Variants in ALDH5A1 observed in about 807,000 individuals in gnomAD.
ALDH5A1 encodes succinate-semialdehyde dehydrogenase, mitochondrial.
In ALDH5A1, 33 loss-of-function variants were observed where a neutral mutation model predicts 54.7. That is an observed-to-expected ratio of 0.60 (90% CI 0.46 to 0.81). The LOEUF is 0.81. Among genes scored for constraint, ALDH5A1 ranks in the 30% least tolerant of loss-of-function variants. The pLI, the probability that ALDH5A1 is intolerant of heterozygous loss-of-function variation, is 0.00. For synonymous variants in ALDH5A1, 294 were observed against 292.7 expected (o/e 1.00, Z -0.05); for missense variants, 657 against 711.0 (o/e 0.92, Z 0.86).
At position 24,515,238 on chromosome 6, in the gene ALDH5A1, A is replaced by T. The variant is rs751098237; in HGVS notation, c.798A>T (p.Glu266Asp). 6 of 1,613,774 alleles carry T rather than the reference A, an allele frequency of 3.7e-6. No homozygotes were observed. The highest frequency in any genetic ancestry group is 5.1e-6 in the Non-Finnish European group (6 of 1,179,922). Residue 266 changes from glutamate to aspartate, a missense_variant, in exon 5 of 10, where the codon GAA (glutamate) becomes GAT (aspartate). Physicochemically the swap from Glu to Asp is conservative, Grantham distance 45. Coordinates refer to ENST00000357578, the MANE Select transcript of ALDH5A1 (RefSeq NM_001080.3). Reference sequence around the variant, plus strand: ...CCTGTTCTCGAAAGAATGCCAAGGAAGTAGGGGAGGCAATTTGTACTGATC... The same window carrying T: ...CCTGTTCTCGAAAGAATGCCAAGGATGTAGGGGAGGCAATTTGTACTGATC... ...VIPCSRKNAK[E>D]VGEAICTDPL...
chr6:24,511,774 T>A (rs1236766086), intron 4 of ALDH5A1: 3 of 415,270 alleles, frequency 7.2e-6, no homozygotes, highest in Non-Finnish European at 8.5e-6. Flanking sequence ...GGGCTTCGCC[T>A]TTCTTTGTTG....
chr6:24,495,932 T>A (rs897792814), intron 1 of ALDH5A1, among the ~76,000 whole-genome samples: 1 of 152,192 alleles, frequency 6.6e-6, no homozygotes, highest in Non-Finnish European at 1.5e-5. Context: ...AATGCTGCTA[T>A]TGGCCATTGC....
Position 24,536,080 on chromosome 6 carries a change from AAG to A in ALDH5A1, c.*2372_*2373del, listed in dbSNP as rs1444551969. 2 of 152,334 alleles carry A rather than the reference AAG, an allele frequency of 1.3e-5. No individual in the cohort carries two copies. The highest frequency in any genetic ancestry group is 4.1e-4 in the South Asian group (2 of 4,820). The allele number at this position is 152,334 out of a possible 1,614,324, so 9.4% of individuals were successfully genotyped here. A position where few individuals can be genotyped will look rare whatever the true frequency, so the allele number is the denominator to read the frequency against. On this transcript the variant is annotated 3_prime_UTR_variant, in exon 10 of 10. Coordinates refer to ENST00000357578, the MANE Select transcript of ALDH5A1 (RefSeq NM_001080.3). ...AAAATGGCCCTTGGTTGTGGGAAGA[AAG>A]AGAATTATTTTTAACTGAACGTTTT...
At chr6:24,532,309 A>G in intron 9 of ALDH5A1, 132 bp downstream of exon 9, 1 of 913,676 alleles carries the variant, frequency 1.1e-6, no homozygotes, top group Non-Finnish European at 1.8e-6. Context: ...TTGCTTTCCA[A>G]GTGGTGGAAT....
At chr6:24,507,853 G>T (rs1269057767) in intron 4 of ALDH5A1, among the ~76,000 whole-genome samples, 1 of 152,038 alleles carries the variant, frequency 6.6e-6, no homozygotes, top group Non-Finnish European at 1.5e-5. Context: ...GTTCTTTAGT[G>T]GTGATTTGTG....
At chr6:24,508,225 T>A (rs1328727092) in intron 4 of ALDH5A1, among the ~76,000 whole-genome samples, 1 of 151,732 alleles carries the variant, frequency 6.6e-6, no homozygotes, top group Non-Finnish European at 1.5e-5. Context: ...TAGCTGGGCA[T>A]GGTGGCACGC....
At chr6:24,529,957 C>G (rs1044496063) in intron 8 of ALDH5A1, among the ~76,000 whole-genome samples, 1 of 152,172 alleles carries the variant, frequency 6.6e-6, no homozygotes, top group African/African-American at 2.4e-5. Context: ...CAGGCGTGAG[C>G]CACCATGCCC....
intron 7 of ALDH5A1, among the ~76,000 whole-genome samples, chr6:24,524,296 T>C (rs1759760941): frequency 6.6e-6 from 1 of 152,184 alleles, no homozygotes; most frequent in Non-Finnish European, 1.5e-5. Context: ...GAAATGGTTT[T>C]AACGGAATAT....
chr6:24,497,202 TG>T (rs1277222031), intron 1 of ALDH5A1, among the ~76,000 whole-genome samples: 1 of 152,066 alleles, frequency 6.6e-6, no homozygotes, highest in African/African-American at 2.4e-5. Context: ...GGGTGGGGCG[TG>T]GTGGCCAGCT....
In ALDH5A1 at chr6:24,536,959, TA is replaced by T. The variant is rs1265548958; in HGVS notation, c.*3249del. The T allele has an allele frequency of 6.5e-6, 1 of 152,702 alleles. No homozygotes were observed. The highest frequency in any genetic ancestry group is 1.5e-5 in the Non-Finnish European group (1 of 68,052). The allele number at this position is 152,702 out of a possible 1,614,324, so 9.5% of individuals were successfully genotyped here. On this transcript the variant is annotated 3_prime_UTR_variant, in exon 10 of 10. Coordinates refer to ENST00000357578, the MANE Select transcript of ALDH5A1 (RefSeq NM_001080.3). ...CTCTAAAAACTGGATCCTAGTGTTTTAATTACCTGTGTGCAGCTATTTTAAA... is the reference window on the plus strand; with the variant it reads ...CTCTAAAAACTGGATCCTAGTGTTTTATTACCTGTGTGCAGCTATTTTAAA...
chr6:24,523,015 G>T, intron 7 of ALDH5A1, 90 bp downstream of exon 7: 1 of 1,053,066 alleles, frequency 9.5e-7, no homozygotes, highest in East Asian at 2.7e-5. Context: ...TGGAGGGGTG[G>T]GGATAGAGAG....
At chr6:24,526,029 C>A (rs1443679649) in intron 7 of ALDH5A1, among the ~76,000 whole-genome samples, 1 of 152,138 alleles carries the variant, frequency 6.6e-6, no homozygotes, top group African/African-American at 2.4e-5. Context: ...GGGTAGGGCT[C>A]TCTCGACTTT....
At position 24,515,231 on chromosome 6, in the gene ALDH5A1, C is replaced by T. The variant is rs754406917; in HGVS notation, c.791C>T (p.Ala264Val). 1 of 1,612,966 alleles carries T rather than the reference C, an allele frequency of 6.2e-7. No homozygotes were observed. Among genetic ancestry groups the T allele is most frequent in the African/African-American group, 1.3e-5 (1 of 74,592 alleles). ...YNVIPCSRKN[A>V]KEVGEAICTD... is the part of the protein sequence containing the mutation. ...GTTATTCCCTGTTCTCGAAAGAATG[C>T]CAAGGAAGTAGGGGAGGCAATTTGT... Residue 264 changes from alanine (A) to valine (V), a missense_variant, in exon 5 of 10, where the codon GCC (alanine) becomes GTC (valine). Physicochemically the swap from Ala to Val is moderately conservative, Grantham distance 64. Around this residue, in one of 2 missense-constraint regions of ALDH5A1, gnomAD observed 425 missense variants for 516.4 expected, o/e 0.82. Transcript: ENST00000357578.
In ALDH5A1 at chr6:24,495,360, C is replaced by T. The variant is rs940456874; in HGVS notation, c.354+10C>T. ...GGAGGTCTCCGCCAAGGTGAGAGAG[C>T]CCGGATGCAGGGGGCCAGAGCTGGC... On this transcript the variant is annotated intron_variant, in intron 1 of 9. Coordinates refer to ENST00000357578, the MANE Select transcript of ALDH5A1 (RefSeq NM_001080.3). 3 of 1,531,958 alleles carry T rather than the reference C, an allele frequency of 2.0e-6. No homozygotes were observed. The highest frequency in any genetic ancestry group is 2.7e-5 in the African/African-American group (2 of 72,860). 94.9% of individuals were successfully genotyped at this position (1,531,958 alleles called of 1,614,324 possible).
intron 4 of ALDH5A1, among the ~76,000 whole-genome samples, chr6:24,506,781 C>T (rs1354086105): frequency 3.9e-5 from 6 of 152,084 alleles, no homozygotes; most frequent in African/African-American, 1.4e-4. Context: ...AGAAAAATTG[C>T]ATAGATGGGC....
chr6:24,501,961 G>GTGTA (rs1561869055), intron 1 of ALDH5A1, among the ~76,000 whole-genome samples: 1 of 151,296 alleles, frequency 6.6e-6, no homozygotes, highest in African/African-American at 2.4e-5. Context: ...GTGTATGTGT[G>GTGTA]TATATATATA....
chr6:24,514,470 G>A lies in ALDH5A1; in HGVS notation c.727-697G>A, dbSNP rs566256343. On this transcript the variant is annotated intron_variant, in intron 4 of 9. Coordinates refer to ENST00000357578, the MANE Select transcript of ALDH5A1 (RefSeq NM_001080.3). ...AATGCATGCTCTGGCCAGGCCCGGT[G>A]GCTCACAACTGTAATCCAAACACTT... is the stretch of plus-strand genomic sequence containing the variant. Among the ~76,000 whole-genome samples the A allele has an allele frequency of 7.2e-5, 11 of 152,270 alleles. No homozygotes were observed. The South Asian group carries it at 2.3e-3, about 32-fold the overall frequency.
chr6:24,516,390 G>A (rs1183843686), intron 5 of ALDH5A1, among the ~76,000 whole-genome samples: 1 of 131,282 alleles, frequency 7.6e-6, no homozygotes, highest in African/African-American at 3.0e-5. Flanking sequence ...GAGGTGAGCC[G>A]AGATCACACC....
Position 24,520,272 on chromosome 6 carries a change from TGCAAAGTTATCCCATGTACACCACTGTGC to T in ALDH5A1, c.871-128_871-100del. 5 of 1,027,514 alleles carry T rather than the reference TGCAAAGTTATCCCATGTACACCACTGTGC, an allele frequency of 4.9e-6. No homozygotes were observed. The Admixed American group carries it at 6.8e-5, about 14-fold the overall frequency. The allele number at this position is 1,027,514 out of a possible 1,614,324, so 63.6% of individuals were successfully genotyped here. ...ATATTCTTATTTCTCCGTTTTCTTA[TGCAAAGTTATCCCATGTACACCACTGTGC>T]ACCTTGCTTTTTTCACCATTTGGTA... On this transcript the variant is annotated intron_variant, in intron 5 of 9. Transcript: ENST00000357578.
Sources: allele counts gnomAD v4.1 joint callset (sites outside exome capture counted in the v4.1 genomes callset), GRCh38; gene constraint gnomAD v4.1.1; regional missense constraint gnomAD v4.1.1; transcripts MANE v1.5; gene names NCBI Gene and HGNC (gene_info 2026-07-23, HGNC 2026-07-21).